LRRC8C: variants seen among roughly 807,000 people sequenced by gnomAD.
LRRC8C encodes leucine rich repeat containing 8 VRAC subunit C, also known as volume-regulated anion channel subunit LRRC8C.
LRRC8C carries 20 observed loss-of-function variants against 55.3 expected under a neutral mutation model. That is an observed-to-expected ratio of 0.36 (90% CI 0.25 to 0.53). LRRC8C has a LOEUF of 0.53. Ranked by LOEUF, LRRC8C falls within the 20% of genes least tolerant of loss-of-function variation. LRRC8C has a pLI of 0.92. For missense variants in LRRC8C, 659 were observed against 951.4 expected (o/e 0.69, Z 4.04); for synonymous variants, 376 against 360.7 (o/e 1.04, Z -0.48).
chr1:89,716,339 G>A lies in LRRC8C; in HGVS notation c.*1357G>A, dbSNP rs1298024502. On this transcript the variant is annotated 3_prime_UTR_variant, in exon 3 of 3. Transcript: ENST00000370454. ...ACCGAGGGATGACTGGATATTAATC[G>A]ATTTCCCTCAAGCCTGCCCTTGCTG... 5.3e-5 allele frequency: 8 copies of A among 152,150 alleles called. No homozygotes were observed. The highest frequency in any genetic ancestry group is 3.9e-4 in the Admixed American group (6 of 15,274). The allele number at this position is 152,150 out of a possible 1,614,324, so 9.4% of individuals were successfully genotyped here.
At chr1:89,698,572 T>C (rs1658233820) in intron 2 of LRRC8C, among the ~76,000 whole-genome samples, 1 of 152,210 alleles carries the variant, frequency 6.6e-6, no homozygotes, top group Admixed American at 6.5e-5. Flanking sequence ...CACTTGATAC[T>C]AGCCTTTAAT....
intron 1 of LRRC8C, among the ~76,000 whole-genome samples, chr1:89,660,661 T>C (rs1024992911): frequency 5.9e-5 from 9 of 152,234 alleles, no homozygotes; most frequent in African/African-American, 2.2e-4. Flanking sequence ...GTGCACTTTC[T>C]GCATTTCAGT....
In LRRC8C at chr1:89,714,768, C is replaced by T; in HGVS notation, c.2198C>T (p.Thr733Ile). Residue 733 changes from threonine to isoleucine, a missense_variant, in exon 3 of 3, where the codon ACT (threonine) becomes ATT (isoleucine). Transcript: ENST00000370454. This position sits in a 1 kb window ranked among gnomAD's most constrained non-coding sequence, Gnocchi z 4.6. ...CTCTACTTCTGCAAGAAACTTAAAA[C>T]TCTGAAGATTGGAAAAAACAGCCTA... Reference protein sequence around the residue: ...DELYFCKKLKTLKIGKNSLSV... With the variant: ...DELYFCKKLKILKIGKNSLSV... 1 of 1,613,818 alleles carries T rather than the reference C, an allele frequency of 6.2e-7. No individual in the cohort carries two copies. The highest frequency in any genetic ancestry group is 8.5e-7 in the Non-Finnish European group (1 of 1,179,890).
At chr1:89,659,059 TTTTGTGTGTGTGTGTG>T (rs1557651784) in intron 1 of LRRC8C, among the ~76,000 whole-genome samples, 4 of 59,256 alleles carry the variant, frequency 6.8e-5, no homozygotes, top group East Asian at 6.5e-4. Flanking sequence ...TTTTTTTTTT[TTTTGTGTGTGTGTGTG>T]TGTGTGTGTG....
At position 89,712,767 on chromosome 1, in the gene LRRC8C, C is replaced by T. The variant is rs1570745704; in HGVS notation, c.197C>T (p.Ser66Phe). 6.2e-7 allele frequency: 1 copy of T among 1,614,184 alleles called. No individual in the cohort carries two copies. The highest frequency in any genetic ancestry group is 1.1e-5 in the South Asian group (1 of 91,076). The change falls in exon 3 of 3, where the codon TCT (serine) becomes TTT (phenylalanine). Residue 66 changes from serine to phenylalanine, a missense_variant. Transcript: ENST00000370454. ...AGAGTGCAGCCTGCTCAGAACCACTCTTCCCTTTCGAATGTCTCTCAAGCA... is the reference window on the plus strand; with the variant it reads ...AGAGTGCAGCCTGCTCAGAACCACTTTTCCCTTTCGAATGTCTCTCAAGCA... ...PKRVQPAQNH[S>F]SLSNVSQAVA...
At position 89,717,311 on chromosome 1, in the gene LRRC8C, T is replaced by C. The variant is rs1307430950; in HGVS notation, c.*2329T>C. On this transcript the variant is annotated 3_prime_UTR_variant, in exon 3 of 3. Coordinates refer to ENST00000370454, the MANE Select transcript of LRRC8C (RefSeq NM_032270.5). ...TATATTACCCTTCAAAAGGGATCTC[T>C]TCAGGTTAAAAATCACGCTTATGCT... 1 of 152,186 alleles carries C rather than the reference T, an allele frequency of 6.6e-6. No homozygotes were observed. Among genetic ancestry groups the C allele is most frequent in the African/African-American group, 2.4e-5 (1 of 41,450 alleles). 9.4% of individuals were successfully genotyped at this position (152,186 alleles called of 1,614,324 possible). A position where few individuals can be genotyped will look rare whatever the true frequency, so the allele number is the denominator to read the frequency against.
the LRRC8C span, among the ~76,000 whole-genome samples, chr1:89,621,390 A>G: frequency 6.6e-6 from 1 of 151,852 alleles, no homozygotes; most frequent in Non-Finnish European, 1.5e-5. Flanking sequence ...AATGGCGTGA[A>G]CCCAGGAGGC....
At chr1:89,659,058 TTTTTGTGTG>T (rs1376692285) in intron 1 of LRRC8C, among the ~76,000 whole-genome samples, 1 of 58,940 alleles carries the variant, frequency 1.7e-5, no homozygotes, top group Non-Finnish European at 3.8e-5. Flanking sequence ...GTTTTTTTTT[TTTTTGTGTG>T]TGTGTGTGTG....
chr1:89,712,136 A>G (rs1345020353), intron 2 of LRRC8C, among the ~76,000 whole-genome samples: 1 of 152,100 alleles, frequency 6.6e-6, no homozygotes, highest in Non-Finnish European at 1.5e-5. Flanking sequence ...TTTTGAGACA[A>G]AATTTTGTTC....
intron 2 of LRRC8C, among the ~76,000 whole-genome samples, chr1:89,696,960 A>G (rs1658190820): frequency 6.6e-6 from 1 of 152,212 alleles, no homozygotes; most frequent in African/African-American, 2.4e-5. Context: ...ATCCAAATTA[A>G]TATTTATGGA....
chr1:89,622,288 C>A, the LRRC8C span, among the ~76,000 whole-genome samples: 1 of 151,664 alleles, frequency 6.6e-6, no homozygotes, highest in African/African-American at 2.4e-5. Context: ...AGTAAGATTA[C>A]CTGTTATCCT....
At chr1:89,707,192 A>C (rs1003238904) in intron 2 of LRRC8C, among the ~76,000 whole-genome samples, 1 of 149,600 alleles carries the variant, frequency 6.7e-6, no homozygotes. Context: ...GGATCACTTG[A>C]GGTCAGGAGT....
At position 89,714,067 on chromosome 1, in the gene LRRC8C, G is replaced by A; in HGVS notation, c.1497G>A (p.Lys499=). ...LKENLKVLSV[K]FDDMRELPPW... ...AAAACCTCAAGGTCTTGAGCGTCAA[G>A]TTTGATGACATGAGGGAACTCCCCC... The change falls in exon 3 of 3, where the codon AAG becomes AAA. Residue 499 remains lysine (K), a synonymous_variant. Transcript: ENST00000370454. The surrounding 1 kb of genome is among the most constrained non-coding windows in gnomAD (Gnocchi z 4.6). 2.5e-6 allele frequency: 4 copies of A among 1,613,982 alleles called. No homozygotes were observed. The highest frequency in any genetic ancestry group is 3.4e-6 in the Non-Finnish European group (4 of 1,180,028).
rs372367696 is a variant in LRRC8C at position 89,712,978 on chromosome 1, G to T, written c.408G>T (p.Leu136=). 4 of 1,614,032 alleles carry T rather than the reference G, an allele frequency of 2.5e-6. No individual in the cohort carries two copies. The African/African-American group carries it at 4.0e-5, about 16-fold the overall frequency. ...CTTACCTTGTCCTCATCCATACCCT[G>T]GTCTTTATGCTCTGCAGTAACTTTT... ...YFPYLVLIHT[L]VFMLCSNFWF... is the part of the protein sequence containing the mutation. The change falls in exon 3 of 3, where the codon CTG becomes CTT. Residue 136 remains leucine (L), a synonymous_variant. Transcript: ENST00000370454.
In LRRC8C at chr1:89,719,278, C is replaced by T. The variant is rs1658907421; in HGVS notation, c.*4296C>T. 6.6e-6 allele frequency: 1 copy of T among 152,144 alleles called. No homozygotes were observed. The highest frequency in any genetic ancestry group is 1.5e-5 in the Non-Finnish European group (1 of 68,024). 9.4% of individuals were successfully genotyped at this position (152,144 alleles called of 1,614,324 possible). On this transcript the variant is annotated 3_prime_UTR_variant, in exon 3 of 3. Coordinates refer to ENST00000370454, the MANE Select transcript of LRRC8C (RefSeq NM_032270.5). Reference sequence around the variant, plus strand: ...CTTCAGAATACCTCTCTCCACCCCCCACCTTATTCTTCCTCTTTAATGAAT... The same window carrying T: ...CTTCAGAATACCTCTCTCCACCCCCTACCTTATTCTTCCTCTTTAATGAAT...
chr1:89,654,422 AAG>A (rs1330024865), intron 1 of LRRC8C, among the ~76,000 whole-genome samples: 2 of 152,216 alleles, frequency 1.3e-5, no homozygotes. Flanking sequence ...ATACAAAAAA[AAG>A]AGAAATGTCT....
At chr1:89,672,773 G>A (rs1007554839) in intron 1 of LRRC8C, among the ~76,000 whole-genome samples, 16 of 149,336 alleles carry the variant, frequency 1.1e-4, no homozygotes, top group African/African-American at 1.2e-4. Context: ...CCATTTCTTC[G>A]TTGACTGGAT....
At chr1:89,670,260 T>C (rs1372796844) in intron 1 of LRRC8C, among the ~76,000 whole-genome samples, 1 of 152,222 alleles carries the variant, frequency 6.6e-6, no homozygotes, top group African/African-American at 2.4e-5. Context: ...CATTCCGTGA[T>C]GTGAGAGACC....
Position 89,713,910 on chromosome 1 carries a change from A to C in LRRC8C, c.1340A>C (p.Gln447Pro). 6.2e-7 allele frequency: 1 copy of C among 1,614,100 alleles called. No individual in the cohort carries two copies. The highest frequency in any genetic ancestry group is 2.2e-5 in the East Asian group (1 of 44,884). The change falls in exon 3 of 3, where the codon CAA (glutamine) becomes CCA (proline). Residue 447 changes from glutamine to proline, a missense_variant. Physicochemically the swap from Gln to Pro is moderately conservative, Grantham distance 76. Coordinates refer to ENST00000370454, the MANE Select transcript of LRRC8C (RefSeq NM_032270.5). The surrounding 1 kb of genome is among the most constrained non-coding windows in gnomAD (Gnocchi z 5.2). ...ACTGTTTTTGAAATCACAGAGTTGC[A>C]ATCTCTAAAACTTGAAATCATTAAG... ...PDTVFEITEL[Q>P]SLKLEIIKNV... is the part of the protein sequence containing the mutation.
Sources: gnomAD v4.1 joint callset for allele counts (sites outside exome capture counted in the v4.1 genomes callset) on GRCh38, gnomAD v4.1.1 for gene constraint, Gnocchi (gnomAD v3.1) non-coding constraint, MANE v1.5 for transcripts, NCBI Gene and HGNC (gene_info 2026-07-23, HGNC 2026-07-21) for gene names.